The following DSC3 variants were observed in gnomAD, a reference collection of about 807,000 sequenced individuals.
DSC3 encodes desmocollin-3.
Under a neutral mutation model 89.5 loss-of-function variants are expected in DSC3, and 97 were observed. The ratio of observed to expected loss-of-function variants is 1.08; its 90% CI spans 0.92 to 1.28. The LOEUF (loss-of-function observed/expected upper bound fraction) is 1.28. Among genes scored for constraint, DSC3 ranks in the 50% most tolerant of loss-of-function variants. The pLI is 0.00. For synonymous variants in DSC3, 436 were observed against 384.1 expected (o/e 1.14, Z -1.58); for missense variants, 1,199 against 1,085.3 (o/e 1.10, Z -1.47).
chr18:31,025,887 G>T lies in DSC3; in HGVS notation c.503C>A (p.Thr168Asn), dbSNP rs1032323155. The T allele has an allele frequency of 1.2e-6, 2 of 1,612,874 alleles. No homozygotes were observed. The highest frequency in any genetic ancestry group is 1.7e-6 in the Non-Finnish European group (2 of 1,179,206). Reference sequence around the variant, plus strand: ...ACGTCCACTTATTGAGTAGAAGACAGTATAGTTCTGTGCTGCATCAGATTC... The same window carrying T: ...ACGTCCACTTATTGAGTAGAAGACATTATAGTTCTGTGCTGCATCAGATTC... ...QVESDAAQNYTVFYSISGRGV... is the reference protein window; with the variant it reads ...QVESDAAQNYNVFYSISGRGV... Residue 168 changes from threonine to asparagine, a missense_variant, in exon 5 of 16, where the codon ACT becomes AAT. Coordinates refer to ENST00000360428, the MANE Select transcript of DSC3 (RefSeq NM_001941.5).
At chr18:31,038,960 T>C (rs276932) in intron 1 of DSC3, among the ~76,000 whole-genome samples, 80,867 of 151,756 alleles carry the variant, frequency 0.53, 22,077 homozygotes, top group East Asian at 0.88. Context: ...TCATTTGATA[T>C]TATGTTTTTG....
intron 9 of DSC3, among the ~76,000 whole-genome samples, chr18:31,017,429 T>C (rs1985272509): frequency 6.6e-6 from 1 of 152,170 alleles, no homozygotes; most frequent in South Asian, 2.1e-4. Context: ...AACAGATCCC[T>C]TCCTACCCTC....
chr18:30,996,733 C>G lies in DSC3; in HGVS notation c.2493+58G>C, dbSNP rs553941246. The G allele has an allele frequency of 1.1e-5, 17 of 1,600,270 alleles. No individual in the cohort carries two copies. The East Asian group carries it at 3.6e-4, about 34-fold the overall frequency. On this transcript the variant is annotated intron_variant, in intron 15 of 15. Transcript: ENST00000360428. ...GAAAATATATGTTAATTTGAATTGTCTATTTTTCTCCATTCGGAGGTTTAA... is the reference window on the plus strand; with the variant it reads ...GAAAATATATGTTAATTTGAATTGTGTATTTTTCTCCATTCGGAGGTTTAA...
intron 5 of DSC3, 37 bp downstream of exon 5, chr18:31,025,723 A>C (rs371557183): frequency 2.4e-5 from 39 of 1,596,834 alleles, no homozygotes; most frequent in Non-Finnish European, 3.1e-5. Context: ...AACATAGTTT[A>C]ATAATTTAAA....
intron 7 of DSC3, among the ~76,000 whole-genome samples, chr18:31,021,126 C>G (rs1356267553): frequency 6.6e-6 from 1 of 151,732 alleles, no homozygotes; most frequent in Admixed American, 6.6e-5. Flanking sequence ...GGTTGTTGCC[C>G]ACAAAATCTG....
chr18:31,020,329 T>C (rs72922472), intron 7 of DSC3, among the ~76,000 whole-genome samples: 13,545 of 152,064 alleles, frequency 0.089, 648 homozygotes, highest in Middle Eastern at 0.11. Flanking sequence ...AAGAAGACCA[T>C]ACAAAGGACA....
chr18:31,021,024 T>G (rs1317965389), intron 7 of DSC3, among the ~76,000 whole-genome samples: 1 of 151,730 alleles, frequency 6.6e-6, no homozygotes, highest in Non-Finnish European at 1.5e-5. Flanking sequence ...TAAGAATCCC[T>G]GATATTCTTT....
In DSC3 at chr18:31,032,203, A is replaced by G; in HGVS notation, c.143T>C (p.Ile48Thr). 1 of 1,612,674 alleles carries G rather than the reference A, an allele frequency of 6.2e-7. No homozygotes were observed. The highest frequency in any genetic ancestry group is 1.1e-5 in the South Asian group (1 of 91,064). Residue 48 changes from isoleucine to threonine, a missense_variant, in exon 2 of 16, where the codon ATA becomes ACA. Transcript: ENST00000360428. Reference sequence around the variant, plus strand: ...TTAAAATTTCTCACCTCTGCCAATTATTTTGTCTGCCTCTAGTTTAGAAGG... The same window carrying G: ...TTAAAATTTCTCACCTCTGCCAATTGTTTTGTCTGCCTCTAGTTTAGAAGG... ...NVPSKLEADKIIGRVNLEECF... is the reference protein window; with the variant it reads ...NVPSKLEADKTIGRVNLEECF...
At chr18:31,042,499 G>A in intron 1 of DSC3, 93 bp downstream of exon 1, 2 of 1,330,288 alleles carry the variant, frequency 1.5e-6, no homozygotes, top group Non-Finnish European at 2.1e-6. Context: ...CGGTTGTCAC[G>A]TTTCGGCCCG....
chr18:31,039,746 A>T (rs1986075958), intron 1 of DSC3, among the ~76,000 whole-genome samples: 1 of 152,190 alleles, frequency 6.6e-6, no homozygotes, highest in South Asian at 2.1e-4. Flanking sequence ...AAAAATGTGC[A>T]TGAGCTTACA....
chr18:31,028,118 G>A (rs1224888515), intron 4 of DSC3, among the ~76,000 whole-genome samples: 1 of 152,066 alleles, frequency 6.6e-6, no homozygotes, highest in Non-Finnish European at 1.5e-5. Flanking sequence ...AGAGTTATGA[G>A]ATCTGATGAG....
Position 31,022,410 on chromosome 18 carries a change from T to C in DSC3, c.868A>G (p.Arg290Gly), listed in dbSNP as rs202155349. Reference sequence around the variant, plus strand: ...TGCACAGAAAAGAGCCCAGGTGACCTTGGTGTCTGCTGCAAAATGCTGTAT... The same window carrying C: ...TGCACAGAAAAGAGCCCAGGTGACCCTGGTGTCTGCTGCAAAATGCTGTAT... ...LKYSILQQTP[R>G]SPGLFSVHPS... The change falls in exon 7 of 16, where the codon AGG becomes GGG. Residue 290 changes from arginine to glycine, a missense_variant. By Grantham distance (125) the Arg-to-Gly change is moderately radical. Coordinates refer to ENST00000360428, the MANE Select transcript of DSC3 (RefSeq NM_001941.5). The C allele has an allele frequency of 1.2e-5, 20 of 1,614,082 alleles. No homozygotes were observed. The East Asian group carries it at 3.1e-4, about 25-fold the overall frequency.
intron 15 of DSC3, among the ~76,000 whole-genome samples, chr18:30,995,877 T>C (rs1173988929): frequency 1.4e-5 from 2 of 140,266 alleles, no homozygotes; most frequent in Non-Finnish European, 3.0e-5. Context: ...GAGGCTGACA[T>C]AGAAGGATCA....
chr18:31,033,622 A>G, intron 1 of DSC3, among the ~76,000 whole-genome samples: 1 of 152,276 alleles, frequency 6.6e-6, no homozygotes, highest in Non-Finnish European at 1.5e-5. Context: ...ACATAAATGT[A>G]AGAAATAAAT....
intron 2 of DSC3, 121 bp from the exon 3 acceptor site, chr18:31,031,293 C>A: frequency 3.0e-6 from 2 of 676,108 alleles, no homozygotes; most frequent in Non-Finnish European, 4.9e-6. Context: ...AATCACTTTG[C>A]ATTTACCAGA....
intron 9 of DSC3, among the ~76,000 whole-genome samples, chr18:31,012,607 G>T (rs997121224): frequency 3.9e-5 from 6 of 152,160 alleles, no homozygotes; most frequent in Non-Finnish European, 8.8e-5. Context: ...GAAATGAGAA[G>T]AATTAGAATA....
chr18:30,997,382 AG>A (rs2144674455), intron 14 of DSC3, among the ~76,000 whole-genome samples: 1 of 152,262 alleles, frequency 6.6e-6, no homozygotes, highest in South Asian at 2.1e-4. Flanking sequence ...CACGAGTGAG[AG>A]GGAGAGGGAG....
At position 31,042,654 on chromosome 18, in the gene DSC3, C is replaced by T. The variant is rs908616735; in HGVS notation, c.7G>A (p.Ala3Thr). MA[A>T]AGPRRSVRGA... is the part of the protein sequence containing the mutation. Reference sequence around the variant, plus strand: ...CGCACGGAGCGCCGGGGCCCAGCGGCGGCCATCGGGATGCCGGGCAGGGCC... The same window carrying T: ...CGCACGGAGCGCCGGGGCCCAGCGGTGGCCATCGGGATGCCGGGCAGGGCC... Residue 3 changes from alanine to threonine, a missense_variant, in exon 1 of 16, where the codon GCC becomes ACC. Physicochemically the swap from Ala to Thr is moderately conservative, Grantham distance 58. Coordinates refer to ENST00000360428, the MANE Select transcript of DSC3 (RefSeq NM_001941.5). 5 of 1,549,346 alleles carry T rather than the reference C, an allele frequency of 3.2e-6. No individual in the cohort carries two copies. Among genetic ancestry groups the T allele is most frequent in the Admixed American group, 3.9e-5 (2 of 50,946 alleles).
rs2144730020 is a variant in DSC3, at chr18:31,031,049, G to T, written c.278C>A (p.Ser93Ter). The T allele has an allele frequency of 3.1e-6, 5 of 1,613,994 alleles. No individual in the cohort carries two copies. The South Asian group carries it at 4.4e-5, about 14-fold the overall frequency. The part of the protein sequence containing the change: ...RAVALSDKKR[S>*]FTIWLSDKRK... Reference sequence around the variant, plus strand: ...TTTGTCAGAAAGCCATATGGTAAATGATCTTTTCTTATCAGACAGCGCAAC... The same window carrying T: ...TTTGTCAGAAAGCCATATGGTAAATTATCTTTTCTTATCAGACAGCGCAAC... The change falls in exon 3 of 16, where the codon TCA (serine) becomes TAA (stop). Residue 93 changes from serine to a stop codon, truncating the protein, a stop_gained. Coordinates refer to ENST00000360428, the MANE Select transcript of DSC3 (RefSeq NM_001941.5). LOFTEE classifies it high-confidence loss of function.
Sources: gnomAD v4.1 joint callset for allele counts (sites outside exome capture counted in the v4.1 genomes callset) on GRCh38, gnomAD v4.1.1 for gene constraint, MANE v1.5 for transcripts, NCBI Gene and HGNC (gene_info 2026-07-23, HGNC 2026-07-21) for gene names.